Variants in SETD2 observed in about 807,000 individuals in gnomAD.
SETD2 encodes the protein SET domain containing 2, histone lysine methyltransferase.
Under a neutral mutation model 242.1 loss-of-function variants are expected in SETD2, and 31 were observed. The observed-to-expected ratio is 0.13, with a 90% CI of 0.10 to 0.17. The LOEUF is 0.17. Among genes scored for constraint, SETD2 ranks in the 10% least tolerant of loss-of-function variants. The probability of loss-of-function intolerance (pLI) is 1.00; values close to 1 mark genes in which losing one functional copy is unlikely to be tolerated. For missense variants in SETD2, 2,481 were observed against 3,046.3 expected, an observed-to-expected ratio of 0.81 and a Z score of 4.37; for synonymous variants, 1,006 against 1,066.5, an observed-to-expected ratio of 0.94 and a Z score of 1.11.
chr3:47,147,296 A>G (rs1316670786), intron 1 of SETD2, among the ~76,000 whole-genome samples: 2 of 148,236 alleles, frequency 1.3e-5, no homozygotes, highest in African/African-American at 5.0e-5. Context: ...TACAGGCGTG[A>G]GCCACCAAGC....
intron 12 of SETD2, among the ~76,000 whole-genome samples, chr3:47,078,993 A>T (rs1311084520): frequency 6.7e-6 from 1 of 149,778 alleles, no homozygotes; most frequent in Admixed American, 6.7e-5. Context: ...GCTGTAACTT[A>T]CTTTTTTAAA....
chr3:47,081,611 G>A (rs981535622), intron 12 of SETD2, among the ~76,000 whole-genome samples: 2 of 152,160 alleles, frequency 1.3e-5, no homozygotes, highest in South Asian at 4.2e-4. Flanking sequence ...TTCAAATTAT[G>A]GATTCCTGAT....
intron 5 of SETD2, among the ~76,000 whole-genome samples, chr3:47,109,332 C>G (rs1209649363): frequency 2.0e-5 from 3 of 152,184 alleles, no homozygotes; most frequent in Non-Finnish European, 2.9e-5. Flanking sequence ...TTCAACTTTT[C>G]TGTAAGTTTG....
chr3:47,164,201 C>A (rs1697602530), upstream of SETD2, among the ~76,000 whole-genome samples: 1 of 152,184 alleles, frequency 6.6e-6, no homozygotes, highest in South Asian at 2.1e-4. The surrounding 1 kb of genome is among the most constrained non-coding windows in gnomAD (Gnocchi z 5.4). Flanking sequence ...ACACACGGGC[C>A]ACCGATCTGC....
At chr3:47,096,006 T>C (rs1327363205) in intron 9 of SETD2, among the ~76,000 whole-genome samples, 6 of 152,190 alleles carry the variant, frequency 3.9e-5, no homozygotes, top group Admixed American at 3.9e-4. Flanking sequence ...TCCTCCCGCC[T>C]TGGCCTCCCA....
chr3:47,159,557 C>T (rs1253061183), intron 1 of SETD2, among the ~76,000 whole-genome samples: 1 of 152,222 alleles, frequency 6.6e-6, no homozygotes, highest in African/African-American at 2.4e-5. Context: ...CCTTACTAGT[C>T]TCCAGGCTTC....
At position 47,105,482 on chromosome 3, in the gene SETD2, G is replaced by A. The variant is rs1057180029; in HGVS notation, c.4839+515C>T. On this transcript the variant is annotated intron_variant, in intron 6 of 20. Transcript: ENST00000409792. ...AGAGTTGTAATCTAAAACACACTAC[G>A]TTTATCTTTACATATATATATGTAA... Among the ~76,000 whole-genome samples the A allele has an allele frequency of 4.7e-5, 7 of 150,160 alleles. No individual in the cohort carries two copies. In the East Asian group the frequency reaches 7.8e-4, roughly 17 times the overall value.
Position 47,121,369 on chromosome 3 carries a change from C to G in SETD2, c.3267G>C (p.Arg1089=). The G allele has an allele frequency of 6.2e-7, 1 of 1,609,662 alleles. No homozygotes were observed. Among genetic ancestry groups the G allele is most frequent in the Non-Finnish European group, 8.5e-7 (1 of 1,179,992 alleles). ...PMEETSPCSS[R]SSQSYRHYSD... ...AATAGTGTCTATAACTTTGACTGCT[C>G]CGAGAAGAACAAGGACTTGTTTCTT... Residue 1089 remains arginine (R), a synonymous_variant, in exon 3 of 21, where the codon CGG becomes CGC. Transcript: ENST00000409792.
chr3:47,018,969 C>T (rs1417786091), intron 19 of SETD2, among the ~76,000 whole-genome samples: 2 of 152,244 alleles, frequency 1.3e-5, no homozygotes, highest in African/African-American at 4.8e-5. Flanking sequence ...CAGATTGTGG[C>T]TCCCAGCCCT....
At chr3:47,091,541 T>C (rs1321752579) in intron 9 of SETD2, among the ~76,000 whole-genome samples, 1 of 152,108 alleles carries the variant, frequency 6.6e-6, no homozygotes, top group East Asian at 1.9e-4. Context: ...GGTGGGTGGA[T>C]CACCTAAGGT....
chr3:47,150,676 G>A (rs2043963575), intron 1 of SETD2, among the ~76,000 whole-genome samples: 2 of 151,986 alleles, frequency 1.3e-5, no homozygotes, highest in Non-Finnish European at 2.9e-5. Context: ...TAATCTTATA[G>A]TTATTTAAGA....
At chr3:47,036,667 C>G (rs2039009319) in intron 18 of SETD2, among the ~76,000 whole-genome samples, 1 of 151,892 alleles carries the variant, frequency 6.6e-6, no homozygotes, top group African/African-American at 2.4e-5. Context: ...CTTCAGGAGG[C>G]CAAGGCAGGC....
chr3:47,157,458 A>G (rs1436038341), intron 1 of SETD2: 8 of 455,930 alleles, frequency 1.8e-5, no homozygotes, highest in Non-Finnish European at 3.1e-5. Context: ...ATCTCATTTG[A>G]ACATGCTGAA....
intron 18 of SETD2, among the ~76,000 whole-genome samples, chr3:47,035,436 T>G (rs964943434): frequency 6.6e-6 from 1 of 152,216 alleles, no homozygotes; most frequent in African/African-American, 2.4e-5. Context: ...TCTAATTGTG[T>G]AGCATGGCAC....
chr3:47,018,279 T>C (rs2038067947), intron 19 of SETD2, among the ~76,000 whole-genome samples: 1 of 152,146 alleles, frequency 6.6e-6, no homozygotes, highest in African/African-American at 2.4e-5. Context: ...TCCTTTTCCT[T>C]CCACCACTTA....
At position 47,017,207 on chromosome 3, in the gene SETD2, A is replaced by G. The variant is rs2038018506; in HGVS notation, c.7581T>C (p.Pro2527=). The G allele has an allele frequency of 6.2e-7, 1 of 1,614,144 alleles. No homozygotes were observed. The highest frequency in any genetic ancestry group is 8.5e-7 in the Non-Finnish European group (1 of 1,180,016). ...MNKELKYCKN[P]EDLECNENVK... is the part of the protein sequence containing the mutation. Reference sequence around the variant, plus strand: ...CATTCTCATTGCACTCCAGGTCCTCAGGATTCTTACAGTACTTCAGCTCCT... The same window carrying G: ...CATTCTCATTGCACTCCAGGTCCTCGGGATTCTTACAGTACTTCAGCTCCT... Residue 2527 remains proline, a synonymous_variant, in exon 21 of 21, where the codon CCT becomes CCC. Coordinates refer to ENST00000409792, the MANE Select transcript of SETD2 (RefSeq NM_014159.7). This position sits in a 1 kb window ranked among gnomAD's most constrained non-coding sequence, Gnocchi z 4.8.
rs1180075781 is a variant in SETD2 at position 47,120,286 on chromosome 3, G to T, written c.4350C>A (p.Val1450=). The change falls in exon 3 of 21, where the codon GTC becomes GTA. Residue 1450 remains valine, a synonymous_variant. Transcript: ENST00000409792. The stretch of plus-strand genomic sequence containing the variant: ...GCTGTGGGTCCCTGAAGTCATCCAT[G>T]ACACAGGAGGGCCCAACCAGTGCTG... The part of the protein sequence containing the change: ...PGSALVGPSC[V]MDDFRDPQRW... 3.7e-6 allele frequency: 6 copies of T among 1,613,470 alleles called. No individual in the cohort carries two copies. The highest frequency in any genetic ancestry group is 5.1e-6 in the Non-Finnish European group (6 of 1,179,838).
chr3:47,026,930 A>G (rs556097625), intron 18 of SETD2, among the ~76,000 whole-genome samples: 6 of 152,206 alleles, frequency 3.9e-5, no homozygotes, highest in Non-Finnish European at 7.4e-5. Flanking sequence ...CGTTCTGCAC[A>G]TGTACCCCAG....
chr3:47,158,827 A>C (rs1226465841), intron 1 of SETD2, among the ~76,000 whole-genome samples: 2 of 152,218 alleles, frequency 1.3e-5, no homozygotes, highest in Non-Finnish European at 2.9e-5. Flanking sequence ...AATCACAATT[A>C]ATACTACTGT....
Sources: allele counts gnomAD v4.1 joint callset (sites outside exome capture counted in the v4.1 genomes callset), GRCh38; gene constraint gnomAD v4.1.1; non-coding constraint Gnocchi (gnomAD v3.1); transcripts MANE v1.5; gene names NCBI Gene and HGNC (gene_info 2026-07-23, HGNC 2026-07-21).